The following AGTPBP1 variants were observed in gnomAD, a reference collection of about 807,000 sequenced individuals.
AGTPBP1 encodes cytosolic carboxypeptidase 1.
In AGTPBP1, 70 loss-of-function variants were observed where a neutral mutation model predicts 143.9. The observed-to-expected ratio is 0.49, with a 90% CI of 0.40 to 0.59. The LOEUF (loss-of-function observed/expected upper bound fraction) is 0.59. AGTPBP1 is among the 20% of genes least tolerant of loss of function. The pLI is 0.00. For synonymous variants in AGTPBP1, 463 were observed against 500.2 expected, an observed-to-expected ratio of 0.93 and a Z score of 0.99; for missense variants, 1,229 against 1,464.5, an observed-to-expected ratio of 0.84 and a Z score of 2.62.
intron 18 of AGTPBP1, among the ~76,000 whole-genome samples, chr9:85,594,847 T>C (rs1310366201): frequency 6.6e-6 from 1 of 152,216 alleles, no homozygotes; most frequent in Non-Finnish European, 1.5e-5. Flanking sequence ...CATTCATTGA[T>C]TGACAATTTC....
chr9:85,685,011 T>G (rs1286161334), intron 3 of AGTPBP1, among the ~76,000 whole-genome samples: 1 of 151,282 alleles, frequency 6.6e-6, no homozygotes, highest in Non-Finnish European at 1.5e-5. Flanking sequence ...AATTATCAGA[T>G]AGCTAACTGG....
chr9:85,762,532 A>G, the AGTPBP1 span, among the ~76,000 whole-genome samples: 20 of 151,258 alleles, frequency 1.3e-4, no homozygotes, highest in African/African-American at 4.4e-4. Flanking sequence ...CAAAAATCCA[A>G]ACACTGCATG....
At chr9:85,753,818 T>G in the AGTPBP1 span, among the ~76,000 whole-genome samples, 5,283 of 152,086 alleles carry the variant, frequency 0.035, 256 homozygotes, top group East Asian at 0.22. Context: ...GTAAAAACTG[T>G]TGGACTCTGA....
chr9:85,595,464 G>A (rs1448364044), intron 18 of AGTPBP1, among the ~76,000 whole-genome samples: 1 of 152,194 alleles, frequency 6.6e-6, no homozygotes, highest in Non-Finnish European at 1.5e-5. Flanking sequence ...CTTAGAGGTG[G>A]AGCTGAAGAA....
At chr9:85,666,320 G>A (rs1021790717) in intron 8 of AGTPBP1, among the ~76,000 whole-genome samples, 1 of 152,058 alleles carries the variant, frequency 6.6e-6, no homozygotes, top group African/African-American at 2.4e-5. Context: ...AAAAAGGAGA[G>A]GAAGCATAAC....
At chr9:85,586,576 T>C (rs144290995) in intron 22 of AGTPBP1, among the ~76,000 whole-genome samples, 1 of 152,316 alleles carries the variant, frequency 6.6e-6, no homozygotes, top group East Asian at 1.9e-4. Flanking sequence ...ATTTGGAAGA[T>C]ACATATTGTT....
At chr9:85,707,456 G>A (rs7020485) in intron 2 of AGTPBP1, among the ~76,000 whole-genome samples, 5,786 of 152,032 alleles carry the variant, frequency 0.038, 352 homozygotes, top group African/African-American at 0.13. Flanking sequence ...TGTTCTTTGA[G>A]GATATCAGTA....
chr9:85,642,334 C>G (rs529255722), intron 13 of AGTPBP1, among the ~76,000 whole-genome samples: 2 of 151,980 alleles, frequency 1.3e-5, no homozygotes, highest in South Asian at 4.2e-4. Context: ...GTCCATCTCC[C>G]CTCTTTTTTT....
chr9:85,613,249 AAC>A lies in AGTPBP1; in HGVS notation c.2335+5732_2335+5733del, dbSNP rs151031644. ...AATTTGAAACTTAAATACTTTGATC[AAC>A]AGACAAAAATAAATTTAGGTAAACA... On this transcript the variant is annotated intron_variant, in intron 17 of 25. Transcript: ENST00000357081. Among the ~76,000 whole-genome samples the A allele has an allele frequency of 1.7e-3, 264 of 152,142 alleles. 1 individual carries two copies. The highest frequency in any genetic ancestry group is 3.1e-3 in the Non-Finnish European group (212 of 67,968).
intron 3 of AGTPBP1, among the ~76,000 whole-genome samples, chr9:85,683,180 CA>C (rs1835295404): frequency 6.6e-6 from 1 of 152,076 alleles, no homozygotes; most frequent in Non-Finnish European, 1.5e-5. Flanking sequence ...TTACCTAGAA[CA>C]AAAGGAAAAA....
At chr9:85,716,194 A>G (rs1449287338) in intron 1 of AGTPBP1, among the ~76,000 whole-genome samples, 1 of 152,186 alleles carries the variant, frequency 6.6e-6, no homozygotes, top group Non-Finnish European at 1.5e-5. Context: ...CTCAGTCCTC[A>G]TCTTATTTGT....
chr9:85,667,083 A>G (rs1015381815), intron 8 of AGTPBP1, among the ~76,000 whole-genome samples: 5 of 152,234 alleles, frequency 3.3e-5, no homozygotes, highest in African/African-American at 9.6e-5. Context: ...TGCAAATCCA[A>G]GTCTGTCTGC....
At chr9:85,634,751 T>G (rs988538037) in intron 13 of AGTPBP1, among the ~76,000 whole-genome samples, 8 of 152,030 alleles carry the variant, frequency 5.3e-5, no homozygotes, top group African/African-American at 1.7e-4. Flanking sequence ...TTGCAAAGAG[T>G]TTTTGCTTTG....
At chr9:85,591,181 CAAAA>C (rs59204739) in intron 19 of AGTPBP1, among the ~76,000 whole-genome samples, 1 of 126,456 alleles carries the variant, frequency 7.9e-6, no homozygotes. Flanking sequence ...GTGGATATGG[CAAAA>C]AAAAAAAAGG....
intron 1 of AGTPBP1, among the ~76,000 whole-genome samples, chr9:85,715,200 C>G (rs1429936961): frequency 6.6e-6 from 1 of 150,980 alleles, no homozygotes; most frequent in Non-Finnish European, 1.5e-5. Flanking sequence ...GAGCTGAGAT[C>G]GCACCACTGC....
intron 5 of AGTPBP1, among the ~76,000 whole-genome samples, 183 bp from the exon 6 acceptor site, chr9:85,677,765 G>A (rs113970179): frequency 0.017 from 2,568 of 152,230 alleles, 37 homozygotes; most frequent in Middle Eastern, 0.037. Flanking sequence ...CACTTAGGGA[G>A]GCCGAGGCAG....
At chr9:85,658,817 G>A (rs1833687096) in intron 9 of AGTPBP1, among the ~76,000 whole-genome samples, 2 of 152,148 alleles carry the variant, frequency 1.3e-5, no homozygotes, top group African/African-American at 4.8e-5. Context: ...GATTTCTTAT[G>A]TGAAGGCTTT....
intron 3 of AGTPBP1, among the ~76,000 whole-genome samples, chr9:85,692,161 G>T (rs560924391): frequency 6.6e-6 from 1 of 152,240 alleles, no homozygotes; most frequent in East Asian, 1.9e-4. Flanking sequence ...AAATGGGAGG[G>T]TGGTAATCAT....
At chr9:85,684,135 T>G (rs991994699) in intron 3 of AGTPBP1, among the ~76,000 whole-genome samples, 4 of 152,214 alleles carry the variant, frequency 2.6e-5, no homozygotes, top group Non-Finnish European at 5.9e-5. Context: ...CCATCTGCCC[T>G]GCCATAGCCC....
Sources: gnomAD v4.1 joint callset for allele counts (sites outside exome capture counted in the v4.1 genomes callset) on GRCh38, gnomAD v4.1.1 for gene constraint, MANE v1.5 for transcripts, NCBI Gene and HGNC (gene_info 2026-07-23, HGNC 2026-07-21) for gene names.